Variants in AGAP1 observed in about 807,000 individuals in gnomAD.
The protein encoded by AGAP1 is ArfGAP with GTPase domain, ankyrin repeat and PH domain 1.
A neutral mutation model predicts 105.3 loss-of-function variants in AGAP1; 29 were observed. That is an observed-to-expected ratio of 0.28 (90% CI 0.21 to 0.38). AGAP1 has a LOEUF of 0.38. Ranked by LOEUF, AGAP1 falls within the 10% of genes least tolerant of loss-of-function variation. The probability of loss-of-function intolerance (pLI) is 1.00; values close to 1 mark genes in which losing one functional copy is unlikely to be tolerated. For synonymous variants in AGAP1, 509 were observed against 485.9 expected (o/e 1.05, Z -0.63); for missense variants, 998 against 1,165.1 (o/e 0.86, Z 2.09).
chr2:235,565,192 G>GAGC (rs1009032691), intron 1 of AGAP1, among the ~76,000 whole-genome samples: 1 of 150,410 alleles, frequency 6.6e-6, no homozygotes, highest in Non-Finnish European at 1.5e-5. Context: ...TGTGAGCCAG[G>GAGC]AGCATCCTCC....
chr2:235,510,169 G>C (rs1559211384), intron 1 of AGAP1, among the ~76,000 whole-genome samples: 1 of 152,146 alleles, frequency 6.6e-6, no homozygotes, highest in Non-Finnish European at 1.5e-5. Flanking sequence ...AGTAATGATA[G>C]AAATAAGGTG....
At chr2:235,722,118 T>G (rs970697215) in intron 3 of AGAP1, among the ~76,000 whole-genome samples, 2 of 152,244 alleles carry the variant, frequency 1.3e-5, no homozygotes, top group African/African-American at 4.8e-5. Flanking sequence ...AGAGTAAACC[T>G]CTTGTATAGA....
intron 13 of AGAP1, among the ~76,000 whole-genome samples, chr2:236,013,093 C>G (rs1031176091): frequency 1.3e-5 from 2 of 152,170 alleles, no homozygotes; most frequent in Non-Finnish European, 2.9e-5. Flanking sequence ...TTAGTTATAA[C>G]AAGTTAATAT....
Position 235,961,441 on chromosome 2 carries a change from G to A in AGAP1, c.1484-7021G>A, listed in dbSNP as rs147229671. 3.8e-3 allele frequency among the ~76,000 whole-genome samples: 584 copies of A among 152,324 alleles called. No individual in the cohort carries two copies. The highest frequency in any genetic ancestry group is 6.3e-3 in the Non-Finnish European group (432 of 68,032). The stretch of plus-strand genomic sequence containing the variant: ...ACTGATGCAGCACCTGCAGGGTGCC[G>A]CCGGCCCCAGCAAGGACACACCAGT... On this transcript the variant is annotated intron_variant, in intron 12 of 17. Coordinates refer to ENST00000304032, the MANE Select transcript of AGAP1 (RefSeq NM_001037131.3). The surrounding 1 kb of genome is among the most constrained non-coding windows in gnomAD (Gnocchi z 5.9).
intron 11 of AGAP1, among the ~76,000 whole-genome samples, chr2:235,926,825 G>A (rs192792395): frequency 3.9e-5 from 6 of 152,248 alleles, no homozygotes; most frequent in East Asian, 1.9e-4. Flanking sequence ...GGGCAACCCC[G>A]GAACCCACTC....
intron 1 of AGAP1, among the ~76,000 whole-genome samples, chr2:235,538,052 C>G (rs1347744699): frequency 2.0e-5 from 3 of 152,142 alleles, no homozygotes; most frequent in Non-Finnish European, 4.4e-5. Context: ...GTTGCATGTT[C>G]AAGATAAAAG....
intron 1 of AGAP1, among the ~76,000 whole-genome samples, chr2:235,686,617 A>ATGTG (rs1225771213): frequency 1.7e-4 from 7 of 40,380 alleles, no homozygotes; most frequent in African/African-American, 9.4e-4. Context: ...ACGTGGAGAT[A>ATGTG]TAGATATATA....
Position 235,560,738 on chromosome 2 carries a change from CTGGTGAGACCCACA to C in AGAP1, c.163+65891_163+65904del, listed in dbSNP as rs534332105. Among the ~76,000 whole-genome samples, 8 of 152,320 alleles carry C rather than the reference CTGGTGAGACCCACA, an allele frequency of 5.3e-5. No homozygotes were observed. In the South Asian group the frequency reaches 1.7e-3, roughly 32 times the overall value. On this transcript the variant is annotated intron_variant, in intron 1 of 17. Transcript: ENST00000304032. The stretch of plus-strand genomic sequence containing the variant: ...CATACAGCCCTGCTGACACCTAAGC[CTGGTGAGACCCACA>C]TTGGACTTGTGACCCTCAGAACTGT...
At position 236,020,808 on chromosome 2, in the gene AGAP1, A is replaced by G. The variant is rs2056858736; in HGVS notation, c.1646-15753A>G. ...ACTATTCAGTAGGCCTTTTTAATGTATCGGTACAGAGCAGAGCTGGCCAAA... is the reference window on the plus strand; with the variant it reads ...ACTATTCAGTAGGCCTTTTTAATGTGTCGGTACAGAGCAGAGCTGGCCAAA... On this transcript the variant is annotated intron_variant, in intron 13 of 17. Transcript: ENST00000304032. This position sits in a 1 kb window ranked among gnomAD's most constrained non-coding sequence, Gnocchi z 5.0. Among the ~76,000 whole-genome samples, 2 of 152,180 alleles carry G rather than the reference A, an allele frequency of 1.3e-5. No individual in the cohort carries two copies. Among genetic ancestry groups the G allele is most frequent in the Admixed American group, 6.5e-5 (1 of 15,272 alleles).
intron 1 of AGAP1, among the ~76,000 whole-genome samples, chr2:235,686,564 C>CAT (rs1949398284): frequency 1.1e-5 from 1 of 94,646 alleles, no homozygotes; most frequent in Admixed American, 1.6e-4. Flanking sequence ...TATACACACA[C>CAT]ACACACACAC....
rs1559258813 is a variant in AGAP1, at chr2:235,573,038, T to TC, written c.163+78190dup. 9.5e-3 allele frequency among the ~76,000 whole-genome samples: 252 copies of TC among 26,554 alleles called. 37 individuals are homozygous for TC. The highest frequency in any genetic ancestry group is 0.066 in the East Asian group (40 of 606). The allele number at this position is 26,554 out of a possible 152,430, so 17.4% of individuals were successfully genotyped here. ...TTCTTCTTCTTCTTCTTCTTCTTCT[T>TC]CTTCTTCTTCTTCTTCTTCTTCTTT... is the stretch of plus-strand genomic sequence containing the variant. On this transcript the variant is annotated intron_variant, in intron 1 of 17. Coordinates refer to ENST00000304032, the MANE Select transcript of AGAP1 (RefSeq NM_001037131.3).
intron 13 of AGAP1, among the ~76,000 whole-genome samples, chr2:236,026,285 G>T (rs566726046): frequency 6.6e-5 from 10 of 152,324 alleles, no homozygotes; most frequent in African/African-American, 2.4e-4. Context: ...GGCCAACATA[G>T]ATGGGGCCAT....
Position 235,900,400 on chromosome 2 carries a change from C to CGCCGT in AGAP1, c.1156-8338_1156-8337insGCCGT. Among the ~76,000 whole-genome samples, 1 of 145,338 alleles carries CGCCGT rather than the reference C, an allele frequency of 6.9e-6. No individual in the cohort carries two copies. The highest frequency in any genetic ancestry group is 2.5e-5 in the African/African-American group (1 of 39,216). On this transcript the variant is annotated intron_variant, in intron 10 of 17. Coordinates refer to ENST00000304032, the MANE Select transcript of AGAP1 (RefSeq NM_001037131.3). The surrounding 1 kb of genome is among the most constrained non-coding windows in gnomAD (Gnocchi z 5.5). ...TGGAATTGTTGTTGTGTCTCGGTGG[C>CGCCGT]AGCATTTCTCCCTCTGGAACTAAGA...
Position 235,620,294 on chromosome 2 carries a change from A to T in AGAP1, c.164-88885A>T, listed in dbSNP as rs10199178. Reference sequence around the variant, plus strand: ...AGCGTTGCTTGGCGGATTACTGCTCACCTCTTCAAGCCGATGCTGCTACTC... The same window carrying T: ...AGCGTTGCTTGGCGGATTACTGCTCTCCTCTTCAAGCCGATGCTGCTACTC... On this transcript the variant is annotated intron_variant, in intron 1 of 17. Transcript: ENST00000304032. The surrounding 1 kb of genome is among the most constrained non-coding windows in gnomAD (Gnocchi z 4.5). 0.27 allele frequency among the ~76,000 whole-genome samples: 41,423 copies of T among 151,526 alleles called. 6,475 individuals carry two copies. Among genetic ancestry groups the T allele is most frequent in the African/African-American group, 0.41 (17,089 of 41,348 alleles).
At chr2:235,757,901 T>C (rs1954064740) in intron 6 of AGAP1, among the ~76,000 whole-genome samples, 1 of 152,212 alleles carries the variant, frequency 6.6e-6, no homozygotes, top group Non-Finnish European at 1.5e-5. Flanking sequence ...CTAGAGCATC[T>C]GTGAATGTAA....
At position 236,032,963 on chromosome 2, in the gene AGAP1, C is replaced by T. The variant is rs116809861; in HGVS notation, c.1646-3598C>T. Among the ~76,000 whole-genome samples the T allele has an allele frequency of 7.1e-3, 1,082 of 152,256 alleles. 13 individuals carry two copies. The highest frequency in any genetic ancestry group is 0.025 in the African/African-American group (1,039 of 41,548). Reference sequence around the variant, plus strand: ...GGGATAGATTTTTAAAGTGAGTGATCGGCCAGGTGCAGTGACTTATGCCTG... The same window carrying T: ...GGGATAGATTTTTAAAGTGAGTGATTGGCCAGGTGCAGTGACTTATGCCTG... On this transcript the variant is annotated intron_variant, in intron 13 of 17. Transcript: ENST00000304032.
intron 9 of AGAP1, among the ~76,000 whole-genome samples, chr2:235,835,873 G>A (rs1335995964): frequency 6.6e-6 from 1 of 152,202 alleles, no homozygotes; most frequent in Non-Finnish European, 1.5e-5. Context: ...GAGAGGCTCC[G>A]GCTGTCACCG....
chr2:235,539,473 C>T (rs929927985), intron 1 of AGAP1, among the ~76,000 whole-genome samples: 3 of 152,184 alleles, frequency 2.0e-5, no homozygotes, highest in Admixed American at 6.5e-5. Context: ...GTTCTTGCTC[C>T]TTTTTAGGAA....
Position 235,893,242 on chromosome 2 carries a change from G to T in AGAP1, c.1155+9793G>T, listed in dbSNP as rs2050631985. Among the ~76,000 whole-genome samples, 1 of 151,456 alleles carries T rather than the reference G, an allele frequency of 6.6e-6. No individual in the cohort carries two copies. The highest frequency in any genetic ancestry group is 1.5e-5 in the Non-Finnish European group (1 of 67,900). On this transcript the variant is annotated intron_variant, in intron 10 of 17. Coordinates refer to ENST00000304032, the MANE Select transcript of AGAP1 (RefSeq NM_001037131.3). This position sits in a 1 kb window ranked among gnomAD's most constrained non-coding sequence, Gnocchi z 4.7. ...AATGAAGCACCATGTCTGTAGCGCG[G>T]GTGTGCCATGTCCATCATAAGGAAG...
Sources: gnomAD v4.1 joint callset for allele counts (sites outside exome capture counted in the v4.1 genomes callset) on GRCh38, gnomAD v4.1.1 for gene constraint, Gnocchi (gnomAD v3.1) non-coding constraint, MANE v1.5 for transcripts, NCBI Gene and HGNC (gene_info 2026-07-23, HGNC 2026-07-21) for gene names.